The following FAM168A variants were observed in gnomAD, a reference collection of about 807,000 sequenced individuals.
FAM168A encodes protein FAM168A.
In FAM168A, 3 loss-of-function variants were observed where a neutral mutation model predicts 28.5. That is an observed-to-expected ratio of 0.11 (90% confidence interval 0.05 to 0.27). FAM168A has a LOEUF of 0.27. Ranked by LOEUF, FAM168A falls within the 10% of genes least tolerant of loss-of-function variation. The pLI, the probability that FAM168A is intolerant of heterozygous loss-of-function variation, is 1.00. For synonymous variants in FAM168A, 122 were observed against 124.2 expected, an observed-to-expected ratio of 0.98 and a Z score of 0.12; for missense variants, 222 against 311.5, an observed-to-expected ratio of 0.71 and a Z score of 2.16.
chr11:73,492,145 C>A (rs1273524581), intron 1 of FAM168A, among the ~76,000 whole-genome samples: 2 of 152,166 alleles, frequency 1.3e-5, no homozygotes, highest in Admixed American at 6.5e-5. Flanking sequence ...TGACTCCTCA[C>A]ACGCCAAGCC....
intron 1 of FAM168A, among the ~76,000 whole-genome samples, chr11:73,476,338 A>T (rs1414825950): frequency 1.3e-5 from 2 of 151,890 alleles, no homozygotes; most frequent in Admixed American, 6.6e-5. Context: ...AATAGTAATT[A>T]AAAAAATATG....
At chr11:73,578,390 A>G (rs1267652704) in intron 1 of FAM168A, among the ~76,000 whole-genome samples, 2 of 152,202 alleles carry the variant, frequency 1.3e-5, no homozygotes, top group Non-Finnish European at 2.9e-5. Context: ...TCATGGGTGT[A>G]TATGTATGTC....
intron 1 of FAM168A, among the ~76,000 whole-genome samples, chr11:73,586,840 C>T (rs1257196765): frequency 1.3e-5 from 2 of 152,152 alleles, no homozygotes. Flanking sequence ...CATTTCACAC[C>T]TTTCCTTAAC....
chr11:73,478,934 A>G (rs1867928980), intron 1 of FAM168A, among the ~76,000 whole-genome samples: 1 of 152,196 alleles, frequency 6.6e-6, no homozygotes, highest in Non-Finnish European at 1.5e-5. Context: ...CTGCCACTAG[A>G]TGGCAACATG....
rs74711832 is a variant in FAM168A at position 73,400,806 on chromosome 11, G to A, written c.*5957C>T. The A allele has an allele frequency of 6.7e-6, 1 of 149,940 alleles. No homozygotes were observed. Among genetic ancestry groups the A allele is most frequent in the African/African-American group, 2.4e-5 (1 of 41,158 alleles). The allele number at this position is 149,940 out of a possible 1,614,324, so 9.3% of individuals were successfully genotyped here. ...TCACCTAAGACTTTTTTTTGGGGGG[G>A]AATTTTTTTTTTTAATAGTTATTGA... On this transcript the variant is annotated 3_prime_UTR_variant, in exon 8 of 8. Transcript: ENST00000356467.
chr11:73,539,773 G>C (rs566753912), intron 1 of FAM168A, among the ~76,000 whole-genome samples: 1 of 152,332 alleles, frequency 6.6e-6, no homozygotes, highest in Admixed American at 6.5e-5. Context: ...ATGTTACCTA[G>C]AGATGAATAA....
rs192975429 is a variant in FAM168A, at chr11:73,561,656, T to C, written c.-19+36267A>G. Among the ~76,000 whole-genome samples the C allele has an allele frequency of 1.3e-3, 200 of 152,314 alleles. 1 individual carries two copies. The highest frequency in any genetic ancestry group is 4.0e-3 in the East Asian group (21 of 5,186). On this transcript the variant is annotated intron_variant, in intron 1 of 7. Coordinates refer to ENST00000356467, the MANE Select transcript of FAM168A (RefSeq NM_015159.3). ...ATTCCATAGAGAACTAGAAATGGCA[T>C]AGCCATTCACTCTTTTTTTAAGCAT...
intron 1 of FAM168A, among the ~76,000 whole-genome samples, chr11:73,536,003 C>A (rs531285199): frequency 6.6e-6 from 1 of 152,018 alleles, no homozygotes; most frequent in African/African-American, 2.4e-5. Flanking sequence ...CACACCACCA[C>A]GCCTAGCTAA....
intron 1 of FAM168A, among the ~76,000 whole-genome samples, chr11:73,573,702 G>T (rs1944136705): frequency 6.6e-6 from 1 of 152,160 alleles, no homozygotes; most frequent in East Asian, 1.9e-4. Context: ...ACTTTGGGAG[G>T]CCAAGACAGG....
intron 1 of FAM168A, among the ~76,000 whole-genome samples, chr11:73,567,663 A>G (rs934880645): frequency 3.9e-5 from 6 of 152,188 alleles, no homozygotes; most frequent in East Asian, 1.9e-4. Context: ...TTATAACTTG[A>G]TATGTCTTGT....
chr11:73,591,323 T>C (rs1944379005), intron 1 of FAM168A, among the ~76,000 whole-genome samples: 3 of 152,182 alleles, frequency 2.0e-5, no homozygotes, highest in Non-Finnish European at 4.4e-5. Context: ...CCTCAGTTGC[T>C]TCAGTTTCTT....
At chr11:73,419,752 G>C in intron 4 of FAM168A, 122 bp downstream of exon 4, 1 of 1,281,910 alleles carries the variant, frequency 7.8e-7, no homozygotes, top group Non-Finnish European at 1.1e-6. Context: ...CTGGGTAAAA[G>C]AACCTCTTAA....
intron 2 of FAM168A, among the ~76,000 whole-genome samples, chr11:73,454,257 G>C (rs1171259888): frequency 1.3e-5 from 2 of 152,252 alleles, no homozygotes; most frequent in East Asian, 3.9e-4. Context: ...TATAATAAAA[G>C]AGATCTAACA....
chr11:73,448,236 C>T (rs936394383), intron 2 of FAM168A, among the ~76,000 whole-genome samples: 3 of 151,682 alleles, frequency 2.0e-5, no homozygotes, highest in Non-Finnish European at 2.9e-5. Context: ...TTAGTAGAGA[C>T]GGGGTTTCAC....
intron 1 of FAM168A, among the ~76,000 whole-genome samples, chr11:73,559,890 T>C (rs968113805): frequency 3.3e-5 from 5 of 152,200 alleles, no homozygotes; most frequent in East Asian, 3.8e-4. Flanking sequence ...CATTGCCAAG[T>C]TGTAATCAAG....
At chr11:73,566,412 C>G (rs948054336) in intron 1 of FAM168A, among the ~76,000 whole-genome samples, 7 of 152,130 alleles carry the variant, frequency 4.6e-5, no homozygotes, top group African/African-American at 1.7e-4. Flanking sequence ...GCCAAACATC[C>G]AGCATTTACT....
intron 1 of FAM168A, among the ~76,000 whole-genome samples, chr11:73,565,428 G>A (rs1303242885): frequency 1.3e-5 from 2 of 152,116 alleles, no homozygotes; most frequent in African/African-American, 4.8e-5. Context: ...GAGACAGGAG[G>A]TAAATAAAGG....
At chr11:73,433,502 G>GT (rs1418286925) in intron 2 of FAM168A, among the ~76,000 whole-genome samples, 1 of 151,980 alleles carries the variant, frequency 6.6e-6, no homozygotes. Context: ...TCTTCTAACA[G>GT]TTTTATGGTT....
At chr11:73,414,974 C>T (rs1392082192) in intron 4 of FAM168A, among the ~76,000 whole-genome samples, 1 of 152,154 alleles carries the variant, frequency 6.6e-6, no homozygotes, top group Admixed American at 6.5e-5. Flanking sequence ...TTTCTCTTCC[C>T]TGGGGAAGCT....
Sources: gnomAD v4.1 joint callset for allele counts (sites outside exome capture counted in the v4.1 genomes callset) on GRCh38, gnomAD v4.1.1 for gene constraint, MANE v1.5 for transcripts, NCBI Gene and HGNC (gene_info 2026-07-23, HGNC 2026-07-21) for gene names.